Variants in AUTS2 observed in about 807,000 individuals in gnomAD.
The protein encoded by AUTS2 is activator of transcription and developmental regulator AUTS2.
In AUTS2, 17 loss-of-function variants were observed where a neutral mutation model predicts 112.4. That is an observed-to-expected ratio of 0.15 (90% CI 0.10 to 0.23). AUTS2 has a LOEUF of 0.23. Among genes scored for constraint, AUTS2 ranks in the 10% least tolerant of loss-of-function variants. The pLI, the probability that AUTS2 is intolerant of heterozygous loss-of-function variation, is 1.00. For missense variants in AUTS2, 1,510 were observed against 1,701.6 expected, an observed-to-expected ratio of 0.89 and a Z score of 1.98; for synonymous variants, 751 against 702.7, an observed-to-expected ratio of 1.07 and a Z score of -1.09.
intron 1 of AUTS2, among the ~76,000 whole-genome samples, chr7:69,891,849 A>G (rs2129539314): frequency 8.6e-6 from 1 of 116,876 alleles, no homozygotes; most frequent in Admixed American, 1.3e-4. Context: ...GCTGGAGTGC[A>G]GTGACACAAT....
rs575778186 is a variant in AUTS2 at position 69,989,497 on chromosome 7, G to A, written c.522+89999G>A. On this transcript the variant is annotated intron_variant, in intron 2 of 18. Coordinates refer to ENST00000342771, the MANE Select transcript of AUTS2 (RefSeq NM_015570.4). ...GTAGAGCCTGACACATAAGAGTTAC[G>A]TAATAAATATTTGGTGTGTGGGATG... Among the ~76,000 whole-genome samples the A allele has an allele frequency of 2.6e-5, 4 of 151,338 alleles. No homozygotes were observed. In the South Asian group the frequency reaches 6.3e-4, roughly 24 times the overall value.
chr7:70,118,357 A>G, intron 3 of AUTS2, 124 bp downstream of exon 3: 1 of 1,157,996 alleles, frequency 8.6e-7, no homozygotes, highest in Non-Finnish European at 1.2e-6. Context: ...TTGTCTACCC[A>G]AGCATTGCGG....
At chr7:69,897,172 C>T (rs1047130896) in intron 1 of AUTS2, among the ~76,000 whole-genome samples, 2 of 152,144 alleles carry the variant, frequency 1.3e-5, no homozygotes, top group Non-Finnish European at 2.9e-5. Context: ...CAAGAAAGGT[C>T]TCCCTGAGTG....
intron 2 of AUTS2, among the ~76,000 whole-genome samples, chr7:69,936,721 G>C (rs905901855): frequency 1.3e-5 from 2 of 152,106 alleles, no homozygotes; most frequent in Admixed American, 6.5e-5. Flanking sequence ...ACTTAAATAT[G>C]ATTATATCCA....
At chr7:70,561,382 C>T (rs1165571683) in intron 5 of AUTS2, among the ~76,000 whole-genome samples, 1 of 152,196 alleles carries the variant, frequency 6.6e-6, no homozygotes, top group Non-Finnish European at 1.5e-5. Flanking sequence ...AATCCCAGCA[C>T]TTTGGGAGGC....
intron 4 of AUTS2, among the ~76,000 whole-genome samples, chr7:70,339,971 G>A (rs901309665): frequency 1.3e-5 from 2 of 152,186 alleles, no homozygotes; most frequent in African/African-American, 4.8e-5. Context: ...GAAAAGAGAT[G>A]TAATTTGAAG....
At chr7:70,194,739 C>G (rs1810086280) in intron 4 of AUTS2, 2 of 152,128 alleles carry the variant, frequency 1.3e-5, no homozygotes, top group African/African-American at 4.8e-5. Flanking sequence ...TGTTTTGACC[C>G]AAAAGATAAT....
chr7:70,234,338 G>A lies in AUTS2; in HGVS notation c.660+99767G>A, dbSNP rs1450455614. ...CTGGCGTTCATTGATTGTCATTCAC[G>A]TTTCTCTTCACTTCCTTATGAAAAG... On this transcript the variant is annotated intron_variant, in intron 4 of 18. Coordinates refer to ENST00000342771, the MANE Select transcript of AUTS2 (RefSeq NM_015570.4). 3.9e-5 allele frequency among the ~76,000 whole-genome samples: 6 copies of A among 152,040 alleles called. No homozygotes were observed. In the East Asian group the frequency reaches 5.8e-4, roughly 15 times the overall value.
intron 6 of AUTS2, among the ~76,000 whole-genome samples, chr7:70,761,555 T>C (rs1407300886): frequency 6.6e-6 from 1 of 152,208 alleles, no homozygotes; most frequent in Non-Finnish European, 1.5e-5. Flanking sequence ...AGGATAATTT[T>C]CCCCCAGTTG....
chr7:70,775,782 A>G (rs1464251458), intron 13 of AUTS2, among the ~76,000 whole-genome samples: 1 of 152,174 alleles, frequency 6.6e-6, no homozygotes, highest in Non-Finnish European at 1.5e-5. Flanking sequence ...AGTAAGTGAC[A>G]TTGACTTGCC....
chr7:70,635,749 C>T lies in AUTS2; in HGVS notation c.691-62820C>T, dbSNP rs1022499573. On this transcript the variant is annotated intron_variant, in intron 5 of 18. Transcript: ENST00000342771. Reference sequence around the variant, plus strand: ...TTTCCATATTGGCAGGTTTTCATTTCCCTGCTTAACATGACTAAGGACTGC... The same window carrying T: ...TTTCCATATTGGCAGGTTTTCATTTTCCTGCTTAACATGACTAAGGACTGC... 9.9e-5 allele frequency among the ~76,000 whole-genome samples: 15 copies of T among 152,236 alleles called. No homozygotes were observed. In the East Asian group the frequency reaches 2.9e-3, roughly 29 times the overall value.
chr7:70,302,616 C>T (rs1789270562), intron 4 of AUTS2, among the ~76,000 whole-genome samples: 1 of 151,982 alleles, frequency 6.6e-6, no homozygotes, highest in African/African-American at 2.4e-5. Flanking sequence ...ACCTGGCCAT[C>T]TATCCACCAT....
intron 1 of AUTS2, among the ~76,000 whole-genome samples, chr7:69,694,858 T>C (rs1011780333): frequency 6.6e-6 from 1 of 152,204 alleles, no homozygotes; most frequent in African/African-American, 2.4e-5. Context: ...TTTTCTAGCT[T>C]TGCAAAACGC....
At chr7:69,756,823 G>A (rs756314491) in intron 1 of AUTS2, among the ~76,000 whole-genome samples, 21 of 152,056 alleles carry the variant, frequency 1.4e-4, no homozygotes, top group African/African-American at 2.9e-4. Flanking sequence ...TGTTTGTAGC[G>A]TTGGTGCGTG....
At chr7:70,226,299 T>TGCCTCA (rs1434192202) in intron 4 of AUTS2, among the ~76,000 whole-genome samples, 1 of 151,850 alleles carries the variant, frequency 6.6e-6, no homozygotes, top group African/African-American at 2.4e-5. Flanking sequence ...GCCATTCTCT[T>TGCCTCA]GCCTCAGCCT....
At position 69,899,331 on chromosome 7, in the gene AUTS2, A is replaced by T. The variant is rs760064185; in HGVS notation, c.355A>T (p.Thr119Ser). The change falls in exon 2 of 19, where the codon ACG (threonine) becomes TCG (serine). Residue 119 changes from threonine (T) to serine (S), a missense_variant. Thr to Ser is a moderately conservative substitution (Grantham distance 58). Transcript: ENST00000342771. ...KPQERVEKRQ[T>S]PLTKKKREAL... ...TCAGGAACGTGTGGAGAAACGCCAG[A>T]CGCCCCTGACCAAGAAGAAACGAGA... 1.1e-5 allele frequency: 17 copies of T among 1,613,910 alleles called. No individual in the cohort carries two copies. Among genetic ancestry groups the T allele is most frequent in the South Asian group, 3.3e-5 (3 of 91,080 alleles).
chr7:70,110,264 C>G (rs2129571211), intron 2 of AUTS2, among the ~76,000 whole-genome samples: 1 of 152,280 alleles, frequency 6.6e-6, no homozygotes, highest in Middle Eastern at 3.4e-3. Flanking sequence ...GCCAGTAATC[C>G]CAACACTTTG....
chr7:70,059,498 A>G (rs1300921608), intron 2 of AUTS2, among the ~76,000 whole-genome samples: 1 of 152,062 alleles, frequency 6.6e-6, no homozygotes, highest in African/African-American at 2.4e-5. Flanking sequence ...TAACATTCAC[A>G]TTGGTTACTT....
intron 4 of AUTS2, among the ~76,000 whole-genome samples, chr7:70,345,385 G>A (rs1339967685): frequency 6.6e-6 from 1 of 152,056 alleles, no homozygotes; most frequent in Non-Finnish European, 1.5e-5. Flanking sequence ...CATTCCTTCA[G>A]CATTCTTCTC....
Sources: allele counts gnomAD v4.1 joint callset (sites outside exome capture counted in the v4.1 genomes callset), GRCh38; gene constraint gnomAD v4.1.1; transcripts MANE v1.5; gene names NCBI Gene and HGNC (gene_info 2026-07-23, HGNC 2026-07-21).